AHI1: variants seen among roughly 807,000 people sequenced by gnomAD.
AHI1 encodes the protein Abelson helper integration site 1.
Under a neutral mutation model 149.3 loss-of-function variants are expected in AHI1, and 123 were observed. The ratio of observed to expected loss-of-function variants is 0.82; its 90% CI spans 0.71 to 0.96. The LOEUF is 0.96. Among genes scored for constraint, AHI1 ranks in the 40% least tolerant of loss-of-function variants. The probability of loss-of-function intolerance (pLI) is 0.00; values close to 1 mark genes in which losing one functional copy is unlikely to be tolerated. For missense variants in AHI1, 1,439 were observed against 1,422.7 expected (o/e 1.01, Z -0.18); for synonymous variants, 475 against 459.8 (o/e 1.03, Z -0.42).
intron 20 of AHI1, among the ~76,000 whole-genome samples, chr6:135,415,146 T>C: frequency 6.6e-6 from 1 of 152,078 alleles, no homozygotes; most frequent in Non-Finnish European, 1.5e-5. Flanking sequence ...CATGAACTCA[T>C]CATTTTTTAT....
chr6:135,431,658 T>G (rs1375132283), intron 16 of AHI1, among the ~76,000 whole-genome samples: 1 of 152,204 alleles, frequency 6.6e-6, no homozygotes, highest in Admixed American at 6.5e-5. Context: ...TAACATTATT[T>G]CTCATCTTTA....
chr6:135,290,330 G>A (rs1010267877), intron 28 of AHI1, 93 bp downstream of exon 28: 3 of 800,104 alleles, frequency 3.7e-6, no homozygotes, highest in Non-Finnish European at 6.4e-6. Flanking sequence ...TATTTTACTT[G>A]CCTCTCTCTG....
At chr6:135,360,109 G>C (rs1036715988) in intron 23 of AHI1, among the ~76,000 whole-genome samples, 1 of 152,028 alleles carries the variant, frequency 6.6e-6, no homozygotes, top group Non-Finnish European at 1.5e-5. Flanking sequence ...AGAAAAAAAT[G>C]TATCAAAATA....
At chr6:135,307,489 T>C (rs911788216) in intron 26 of AHI1, among the ~76,000 whole-genome samples, 2 of 152,092 alleles carry the variant, frequency 1.3e-5, no homozygotes, top group African/African-American at 4.8e-5. Flanking sequence ...TGGATATATC[T>C]TTATGTAAAA....
intron 12 of AHI1, among the ~76,000 whole-genome samples, chr6:135,447,804 A>T (rs1787475897): frequency 6.6e-6 from 1 of 152,218 alleles, no homozygotes; most frequent in Non-Finnish European, 1.5e-5. Flanking sequence ...TGTGCCCAGA[A>T]ATCAGGAGTC....
intron 20 of AHI1, among the ~76,000 whole-genome samples, chr6:135,412,204 TATG>T (rs550263852): frequency 4.6e-5 from 7 of 152,140 alleles, no homozygotes; most frequent in Non-Finnish European, 1.0e-4. Context: ...AAAAATACAG[TATG>T]ATAACTATTT....
chr6:135,407,734 C>T (rs979884581), intron 21 of AHI1, among the ~76,000 whole-genome samples: 5 of 151,938 alleles, frequency 3.3e-5, no homozygotes, highest in African/African-American at 4.8e-5. Context: ...ATTTTTCTGC[C>T]GGGCACAGTG....
At chr6:135,459,224 A>G (rs979997725) in intron 8 of AHI1, among the ~76,000 whole-genome samples, 2 of 152,218 alleles carry the variant, frequency 1.3e-5, no homozygotes, top group African/African-American at 4.8e-5. Flanking sequence ...CCAATAAAAG[A>G]TAACTAGAAA....
At chr6:135,457,255 C>G (rs1789117125) in intron 9 of AHI1, among the ~76,000 whole-genome samples, 1 of 152,164 alleles carries the variant, frequency 6.6e-6, no homozygotes, top group Admixed American at 6.5e-5. Context: ...TGCATTCCAG[C>G]CTGGGCGACA....
chr6:135,454,046 A>T (rs969553837), intron 10 of AHI1, among the ~76,000 whole-genome samples: 3 of 152,182 alleles, frequency 2.0e-5, no homozygotes, highest in Admixed American at 6.5e-5. Context: ...ATTTTTATAG[A>T]AAGAAGACTG....
intron 3 of AHI1, chr6:135,495,519 TCTC>T (rs2128140549): frequency 6.6e-6 from 1 of 152,328 alleles, no homozygotes; most frequent in African/African-American, 2.4e-5. Flanking sequence ...AATGATATCT[TCTC>T]TAGAGAGCAT....
intron 14 of AHI1, among the ~76,000 whole-genome samples, chr6:135,439,954 A>T (rs770049688): frequency 7.2e-5 from 11 of 152,192 alleles, no homozygotes; most frequent in Non-Finnish European, 1.3e-4. Flanking sequence ...ACTGGCAAAA[A>T]TCAACATTCT....
At chr6:135,405,192 G>A (rs763563962) in intron 21 of AHI1, among the ~76,000 whole-genome samples, 3 of 152,138 alleles carry the variant, frequency 2.0e-5, no homozygotes, top group Non-Finnish European at 4.4e-5. Context: ...AAATGGCACT[G>A]TGAAACTCCC....
At chr6:135,382,926 A>AAAAT (rs1562629265) in intron 23 of AHI1, among the ~76,000 whole-genome samples, 6 of 30,504 alleles carry the variant, frequency 2.0e-4, no homozygotes, top group Non-Finnish European at 2.9e-4. Flanking sequence ...AAAAAAAAAA[A>AAAAT]ATATATATAT....
intron 24 of AHI1, among the ~76,000 whole-genome samples, chr6:135,330,829 T>C (rs1788477950): frequency 6.6e-6 from 1 of 152,274 alleles, no homozygotes; most frequent in Non-Finnish European, 1.5e-5. Flanking sequence ...CATATGAAGA[T>C]CACTTACTGT....
chr6:135,300,341 GA>G (rs1387288679), intron 27 of AHI1, among the ~76,000 whole-genome samples, 158 bp downstream of exon 27: 10 of 122,916 alleles, frequency 8.1e-5, no homozygotes, highest in African/African-American at 1.4e-4. Context: ...AAAAAAAAAA[GA>G]AAAAAAAATC....
chr6:135,411,536 G>C lies in AHI1; in HGVS notation c.2773C>G (p.Gln925Glu). The change falls in exon 21 of 29, where the codon CAG becomes GAG. Residue 925 changes from glutamine (Q) to glutamate (E), a missense_variant. Physicochemically the swap from Gln to Glu is conservative, Grantham distance 29 (BLOSUM62 2). Transcript: ENST00000265602. ...LYIYDFHVAQQEAEMFKRYNG... is the reference protein window; with the variant it reads ...LYIYDFHVAQEEAEMFKRYNG... ...TAGCGTTTGAACATTTCAGCCTCCT[G>C]CTGGGCAACTGAAGAAATGAATCCA... 1 of 1,569,190 alleles carries C rather than the reference G, an allele frequency of 6.4e-7. No homozygotes were observed. The highest frequency in any genetic ancestry group is 8.6e-7 in the Non-Finnish European group (1 of 1,156,538).
intron 10 of AHI1, among the ~76,000 whole-genome samples, chr6:135,454,704 A>G (rs975923611): frequency 1.3e-5 from 2 of 152,234 alleles, no homozygotes; most frequent in African/African-American, 4.8e-5. Context: ...TTTATAATAC[A>G]ACAATCTATC....
intron 22 of AHI1, among the ~76,000 whole-genome samples, chr6:135,396,257 T>C (rs559038691): frequency 2.0e-5 from 3 of 151,866 alleles, no homozygotes; most frequent in African/African-American, 7.2e-5. Context: ...CAAAATCCAT[T>C]AAATACAGAT....
Sources: gnomAD v4.1 joint callset for allele counts (sites outside exome capture counted in the v4.1 genomes callset) on GRCh38, gnomAD v4.1.1 for gene constraint, MANE v1.5 for transcripts, NCBI Gene and HGNC (gene_info 2026-07-23, HGNC 2026-07-21) for gene names.